The following AGK variants were observed in gnomAD, a reference collection of about 807,000 sequenced individuals.
AGK encodes acylglycerol kinase, mitochondrial.
In AGK, 52 loss-of-function variants were observed where a neutral mutation model predicts 66.4. The ratio of observed to expected loss-of-function variants is 0.78; its 90% CI spans 0.63 to 0.99. AGK has a LOEUF of 0.99. Ranked by LOEUF, AGK falls within the 50% of genes least tolerant of loss-of-function variation. The probability of loss-of-function intolerance (pLI) is 0.00; values close to 1 mark genes in which losing one functional copy is unlikely to be tolerated. For synonymous variants in AGK, 182 were observed against 181.1 expected, an observed-to-expected ratio of 1.00 and a Z score of -0.04; for missense variants, 451 against 506.6, an observed-to-expected ratio of 0.89 and a Z score of 1.05.
intron 2 of AGK, among the ~76,000 whole-genome samples, chr7:141,584,407 GA>G: frequency 6.6e-6 from 1 of 152,274 alleles, no homozygotes; most frequent in South Asian, 2.1e-4. Context: ...GGTCACAGGG[GA>G]TACGATGGCT....
chr7:141,614,263 T>C, intron 7 of AGK, 85 bp downstream of exon 7: 2 of 1,052,894 alleles, frequency 1.9e-6, no homozygotes, highest in African/African-American at 3.3e-5. Context: ...TTTTTTTCCA[T>C]TGTATATTTT....
intron 12 of AGK, 111 bp downstream of exon 12, chr7:141,641,509 C>T: frequency 8.1e-7 from 1 of 1,241,582 alleles, no homozygotes; most frequent in Non-Finnish European, 1.1e-6. Context: ...AGAAGCCTCT[C>T]AGGGATCACT....
chr7:141,563,341 A>G (rs547039773), intron 2 of AGK, among the ~76,000 whole-genome samples: 1 of 152,218 alleles, frequency 6.6e-6, no homozygotes, highest in Non-Finnish European at 1.5e-5. Flanking sequence ...TTCAGTAGCT[A>G]TTCCAAACCA....
At chr7:141,633,799 G>A (rs1587151794) in intron 9 of AGK, 102 bp from the exon 10 acceptor site, 12 of 1,027,794 alleles carry the variant, frequency 1.2e-5, no homozygotes, top group Middle Eastern at 2.1e-4. Flanking sequence ...TAGAATTTTG[G>A]TTTGATGAAA....
chr7:141,607,142 T>G (rs1796481055), intron 5 of AGK, among the ~76,000 whole-genome samples: 1 of 152,130 alleles, frequency 6.6e-6, no homozygotes, highest in Non-Finnish European at 1.5e-5. Context: ...CGGGTGGACA[T>G]AAATAAGTTT....
At chr7:141,567,945 T>C (rs1795505344) in intron 2 of AGK, among the ~76,000 whole-genome samples, 1 of 152,230 alleles carries the variant, frequency 6.6e-6, no homozygotes, top group African/African-American at 2.4e-5. Context: ...AATATCTCAA[T>C]GGGTCACTGA....
At chr7:141,652,078 T>C (rs1044600907) in intron 15 of AGK, among the ~76,000 whole-genome samples, 5 of 152,054 alleles carry the variant, frequency 3.3e-5, no homozygotes, top group Non-Finnish European at 7.4e-5. Context: ...GTGAAAAAAA[T>C]TGGAAATAGA....
rs1489586060 is a variant in AGK, at chr7:141,614,249, A to G, written c.423+71A>G. ...CTTTTTTATTGCTTTTCTTTCTTTT[A>G]CTTTTTTTTTCCATTGTATATTTTA... On this transcript the variant is annotated intron_variant, in intron 7 of 15. Transcript: ENST00000649286. 2.5e-6 allele frequency: 3 copies of G among 1,211,046 alleles called. No homozygotes were observed. In the African/African-American group the frequency reaches 4.8e-5, roughly 19 times the overall value. 75.0% of individuals were successfully genotyped at this position (1,211,046 alleles called of 1,614,324 possible).
At chr7:141,614,023 T>A in intron 6 of AGK, 123 bp from the exon 7 acceptor site, 1 of 685,064 alleles carries the variant, frequency 1.5e-6, no homozygotes, top group Non-Finnish European at 2.5e-6. Context: ...CAGTGCATCT[T>A]TTAACAGAGC....
At chr7:141,562,596 A>G (rs1795373867) in intron 2 of AGK, among the ~76,000 whole-genome samples, 1 of 152,130 alleles carries the variant, frequency 6.6e-6, no homozygotes, top group African/African-American at 2.4e-5. Flanking sequence ...CATTATGGCT[A>G]CTTCTCTTGT....
At chr7:141,562,010 A>T (rs1795360979) in intron 2 of AGK, 1 of 455,790 alleles carries the variant, frequency 2.2e-6, no homozygotes, top group East Asian at 6.9e-5. Flanking sequence ...CCTGTGATGT[A>T]ATCCATATTC....
intron 4 of AGK, among the ~76,000 whole-genome samples, chr7:141,600,248 G>A (rs1249125232): frequency 1.3e-5 from 2 of 152,046 alleles, no homozygotes; most frequent in African/African-American, 4.8e-5. Flanking sequence ...AAATATTTGA[G>A]TAAAAGGTCA....
intron 15 of AGK, among the ~76,000 whole-genome samples, chr7:141,651,962 G>A (rs1431268767): frequency 6.6e-6 from 1 of 152,184 alleles, no homozygotes; most frequent in Non-Finnish European, 1.5e-5. Flanking sequence ...AATGTTAATA[G>A]TGGCTTTTAC....
chr7:141,574,291 T>C (rs931687563), intron 2 of AGK, among the ~76,000 whole-genome samples: 2 of 152,162 alleles, frequency 1.3e-5, no homozygotes, highest in Non-Finnish European at 1.5e-5. Flanking sequence ...TGCCCATTAG[T>C]GGTACCCAGA....
At chr7:141,577,818 CTTTT>C (rs71172606) in intron 2 of AGK, among the ~76,000 whole-genome samples, 1 of 136,440 alleles carries the variant, frequency 7.3e-6, no homozygotes, top group African/African-American at 2.7e-5. Context: ...CATAAATCTT[CTTTT>C]TTTTTTTTTT....
intron 4 of AGK, among the ~76,000 whole-genome samples, chr7:141,600,227 T>C (rs1374133393): frequency 6.6e-6 from 1 of 152,154 alleles, no homozygotes; most frequent in African/African-American, 2.4e-5. Flanking sequence ...TTTTTCCTTA[T>C]GTAATAGTTG....
intron 11 of AGK, among the ~76,000 whole-genome samples, chr7:141,638,547 A>G (rs35218289): frequency 0.062 from 9,467 of 152,224 alleles, 561 homozygotes; most frequent in South Asian, 0.15. Flanking sequence ...GATAGGATGT[A>G]GGTAGCTCAA....
At chr7:141,614,213 AT>A (rs1796657583) in intron 7 of AGK, 35 bp downstream of exon 7, 1 of 1,429,790 alleles carries the variant, frequency 7.0e-7, no homozygotes, top group Non-Finnish European at 9.4e-7. Flanking sequence ...TTTAACTTTT[AT>A]TTTTCTGTTC....
chr7:141,559,899 A>T (rs1300555077), intron 2 of AGK, among the ~76,000 whole-genome samples: 1 of 151,796 alleles, frequency 6.6e-6, no homozygotes. Flanking sequence ...CATTCTTAGG[A>T]TATAGAAATA....
Sources: allele counts gnomAD v4.1 joint callset (sites outside exome capture counted in the v4.1 genomes callset), GRCh38; gene constraint gnomAD v4.1.1; transcripts MANE v1.5; gene names NCBI Gene and HGNC (gene_info 2026-07-23, HGNC 2026-07-21).